The following EEF2K variants were observed in gnomAD, a reference collection of about 807,000 sequenced individuals.
EEF2K encodes the protein eukaryotic elongation factor 2 kinase.
In EEF2K, 70 loss-of-function variants were observed where a neutral mutation model predicts 93.8. That is an observed-to-expected ratio of 0.75 (90% CI 0.62 to 0.91). The LOEUF is 0.91. Among genes scored for constraint, EEF2K ranks in the 40% least tolerant of loss-of-function variants. The pLI is 0.00. For missense variants in EEF2K, 935 were observed against 972.9 expected, an observed-to-expected ratio of 0.96 and a Z score of 0.52; for synonymous variants, 376 against 380.8, an observed-to-expected ratio of 0.99 and a Z score of 0.15.
At chr16:22,262,515 AAAAAT>A (rs1461290217) in intron 11 of EEF2K, among the ~76,000 whole-genome samples, 1 of 152,170 alleles carries the variant, frequency 6.6e-6, no homozygotes, top group African/African-American at 2.4e-5. Context: ...ATCTCAAAAA[AAAAAT>A]AAAAATGTGT....
intron 4 of EEF2K, 84 bp from the exon 5 acceptor site, chr16:22,250,570 G>A (rs148981952): frequency 0.025 from 38,749 of 1,540,818 alleles, 585 homozygotes; most frequent in Middle Eastern, 0.035. Context: ...TTGATAGGTG[G>A]CATGTAAGGG....
rs758835369 is a variant in EEF2K, at chr16:22,264,810, C to A, written c.1378-8C>A. The stretch of plus-strand genomic sequence containing the variant: ...CTTTGGATCAGTGTAATTTCTTCCT[C>A]CGTTCAGGGCCACTCATACAGTAAT... On this transcript the variant is annotated splice_polypyrimidine_tract_variant and splice_region_variant and intron_variant, in intron 12 of 17. Coordinates refer to ENST00000263026, the MANE Select transcript of EEF2K (RefSeq NM_013302.5). 1.2e-6 allele frequency: 2 copies of A among 1,613,786 alleles called. No homozygotes were observed. The highest frequency in any genetic ancestry group is 2.2e-5 in the South Asian group (2 of 91,046).
intron 2 of EEF2K, among the ~76,000 whole-genome samples, chr16:22,226,345 T>C (rs2047063336): frequency 6.7e-6 from 1 of 148,692 alleles, no homozygotes; most frequent in South Asian, 2.1e-4. Context: ...TTTTTTTTTT[T>C]TTTTTAAAGA....
chr16:22,275,035 G>A (rs2047621189), intron 16 of EEF2K, among the ~76,000 whole-genome samples: 1 of 152,194 alleles, frequency 6.6e-6, no homozygotes, highest in Non-Finnish European at 1.5e-5. Context: ...CTGATGTACT[G>A]TCTACTGGCA....
At position 22,288,391 on chromosome 16, in the gene EEF2K, C is replaced by G. The variant is rs918466265; in HGVS notation, c.*4395C>G. ...CCTTGGCCTCAAGTGATCCTCCCAC[C>G]TCAGCCTCCCAAAGCATTGGGGTTA... is the stretch of plus-strand genomic sequence containing the variant. On this transcript the variant is annotated 3_prime_UTR_variant, in exon 18 of 18. Coordinates refer to ENST00000263026, the MANE Select transcript of EEF2K (RefSeq NM_013302.5). The G allele has an allele frequency of 6.6e-6, 1 of 152,322 alleles. No homozygotes were observed. The highest frequency in any genetic ancestry group is 1.5e-5 in the Non-Finnish European group (1 of 68,110). 9.4% of individuals were successfully genotyped at this position (152,322 alleles called of 1,614,324 possible). A position where few individuals can be genotyped will look rare whatever the true frequency, so the allele number is the denominator to read the frequency against.
At position 22,211,203 on chromosome 16, in the gene EEF2K, A is replaced by G. The variant is rs181718021; in HGVS notation, c.-77+4524A>G. ...CACTTTGCTCCACTCTGTTGAGTAG[A>G]TGAATTTTACAGATGAAGAAGCTGA... is the stretch of plus-strand genomic sequence containing the variant. On this transcript the variant is annotated intron_variant, in intron 1 of 17. Coordinates refer to ENST00000263026, the MANE Select transcript of EEF2K (RefSeq NM_013302.5). Among the ~76,000 whole-genome samples, 278 of 152,282 alleles carry G rather than the reference A, an allele frequency of 1.8e-3. 2 individuals are homozygous for G. Among genetic ancestry groups the G allele is most frequent in the African/African-American group, 6.5e-3 (269 of 41,556 alleles).
chr16:22,275,420 G>A (rs1006003467), intron 16 of EEF2K, among the ~76,000 whole-genome samples: 4 of 151,878 alleles, frequency 2.6e-5, no homozygotes, highest in African/African-American at 9.7e-5. Flanking sequence ...TCAGCTCACT[G>A]CAACCTCCAC....
chr16:22,225,818 A>C lies in EEF2K; in HGVS notation c.89A>C (p.Asp30Ala). Residue 30 changes from aspartate (D) to alanine (A), a missense_variant, in exon 2 of 18, where the codon GAC (aspartate) becomes GCC (alanine). Physicochemically the swap from Asp to Ala is moderately radical, Grantham distance 126. Transcript: ENST00000263026. ...GGCCATGATGGTGATTCTGATGGGG[A>C]CAGCGACGATGAGGAAGGTTACTTC... ...RAGHDGDSDGDSDDEEGYFIC... is the reference protein window; with the variant it reads ...RAGHDGDSDGASDDEEGYFIC... 6.2e-7 allele frequency: 1 copy of C among 1,614,176 alleles called. No individual in the cohort carries two copies.
intron 2 of EEF2K, among the ~76,000 whole-genome samples, chr16:22,233,695 C>CA (rs1416603238): frequency 9.2e-5 from 14 of 152,058 alleles, no homozygotes; most frequent in African/African-American, 2.9e-4. Flanking sequence ...TGCCCCCTGG[C>CA]AAAAAAATAT....
At position 22,273,694 on chromosome 16, in the gene EEF2K, G is replaced by A; in HGVS notation, c.1833G>A (p.Gln611=). 1 of 1,614,184 alleles carries A rather than the reference G, an allele frequency of 6.2e-7. No homozygotes were observed. Among genetic ancestry groups the A allele is most frequent in the East Asian group, 2.2e-5 (1 of 44,886 alleles). The part of the protein sequence containing the change: ...LLKAAEAGDR[Q]SMILVARAFD... ...AGGCCGCTGAAGCTGGCGACAGGCAGTCCATGATCCTAGTGGCGCGAGCTT... is the reference window on the plus strand; with the variant it reads ...AGGCCGCTGAAGCTGGCGACAGGCAATCCATGATCCTAGTGGCGCGAGCTT... The change falls in exon 16 of 18, where the codon CAG becomes CAA. Residue 611 remains glutamine (Q), a synonymous_variant. Transcript: ENST00000263026.
chr16:22,239,640 G>T (rs1229349099), intron 2 of EEF2K, among the ~76,000 whole-genome samples: 1 of 151,592 alleles, frequency 6.6e-6, no homozygotes, highest in Non-Finnish European at 1.5e-5. Context: ...CCGAGATCCT[G>T]TCTGTACAGA....
chr16:22,281,920 AG>A (rs1286083396), intron 17 of EEF2K, among the ~76,000 whole-genome samples: 1 of 152,172 alleles, frequency 6.6e-6, no homozygotes, highest in Non-Finnish European at 1.5e-5. Context: ...ATAATGTATT[AG>A]TCTTCTTGGG....
chr16:22,280,974 C>G (rs2047687973), intron 17 of EEF2K, among the ~76,000 whole-genome samples: 1 of 151,798 alleles, frequency 6.6e-6, no homozygotes, highest in Admixed American at 6.6e-5. Context: ...GAGTTTCACT[C>G]TTGTAGCCCA....
chr16:22,266,755 A>T lies in EEF2K; in HGVS notation c.1643A>T (p.Gln548Leu). 6.2e-7 allele frequency: 1 copy of T among 1,614,188 alleles called. No homozygotes were observed. Among genetic ancestry groups the T allele is most frequent in the South Asian group, 1.1e-5 (1 of 91,086 alleles). The stretch of plus-strand genomic sequence containing the variant: ...TGCGAGAAGGGCGAGGAGTGGGACC[A>T]GGAGTCGGCTGTCTTCCACCTGGAG... The part of the protein sequence containing the change: ...RFCEKGEEWD[Q>L]ESAVFHLEHA... Residue 548 changes from glutamine (Q) to leucine (L), a missense_variant, in exon 15 of 18, where the codon CAG (glutamine) becomes CTG (leucine). Gln to Leu is a moderately radical substitution (Grantham distance 113, BLOSUM62 -2). Transcript: ENST00000263026.
chr16:22,279,266 T>A (rs1458191629), intron 16 of EEF2K, among the ~76,000 whole-genome samples: 1 of 150,994 alleles, frequency 6.6e-6, no homozygotes, highest in Admixed American at 6.6e-5. Flanking sequence ...AACACAGGGT[T>A]ATACTCTATT....
At position 22,266,483 on chromosome 16, in the gene EEF2K, C is replaced by T. The variant is rs759624200; in HGVS notation, c.1534C>T (p.Leu512=). 6.2e-7 allele frequency: 1 copy of T among 1,614,216 alleles called. No homozygotes were observed. The highest frequency in any genetic ancestry group is 8.5e-7 in the Non-Finnish European group (1 of 1,180,030). ...CCTGGAAGTGCAAAGGCTTAATGCT[C>T]TGGACCTCGAAAAGAAAATCGGGAA... ...VALEVQRLNA[L]DLEKKIGKSI... Residue 512 remains leucine (L), a synonymous_variant, in exon 14 of 18, where the codon CTG becomes TTG. Transcript: ENST00000263026.
intron 2 of EEF2K, among the ~76,000 whole-genome samples, chr16:22,227,558 C>T (rs139930464): frequency 8.1e-4 from 123 of 152,174 alleles, no homozygotes; most frequent in East Asian, 6.6e-3. Context: ...TATTGAAAAC[C>T]GTTTGGTAGG....
chr16:22,265,650 G>A (rs1317551056), intron 13 of EEF2K, among the ~76,000 whole-genome samples: 1 of 152,220 alleles, frequency 6.6e-6, no homozygotes, highest in Admixed American at 6.5e-5. Flanking sequence ...TGGCATTCTG[G>A]GCTGAATCGT....
In EEF2K at chr16:22,287,554, C is replaced by G. The variant is rs1423416883; in HGVS notation, c.*3558C>G. ...GTGTCACTGCTAGCAAGCCACTAAG[C>G]TGGAGCTGGGATTTGAGAGCTGCTG... On this transcript the variant is annotated 3_prime_UTR_variant, in exon 18 of 18. Transcript: ENST00000263026. 6.6e-6 allele frequency: 1 copy of G among 152,174 alleles called. No homozygotes were observed. Among genetic ancestry groups the G allele is most frequent in the Non-Finnish European group, 1.5e-5 (1 of 68,040 alleles). The allele number at this position is 152,174 out of a possible 1,614,324, so 9.4% of individuals were successfully genotyped here.
Sources: gnomAD v4.1 joint callset for allele counts (sites outside exome capture counted in the v4.1 genomes callset) on GRCh38, gnomAD v4.1.1 for gene constraint, MANE v1.5 for transcripts, NCBI Gene and HGNC (gene_info 2026-07-23, HGNC 2026-07-21) for gene names.